The following CA7 variants were observed in gnomAD, a reference collection of about 807,000 sequenced individuals.
CA7 encodes carbonate dehydratase VII.
In CA7, 13 loss-of-function variants were observed where a neutral mutation model predicts 31.4. The ratio of observed to expected loss-of-function variants is 0.41; its 90% confidence interval spans 0.27 to 0.66. The LOEUF (loss-of-function observed/expected upper bound fraction) is 0.66, where lower values mean the gene tolerates loss of function less well. Among genes scored for constraint, CA7 ranks in the 30% least tolerant of loss-of-function variants. The probability of loss-of-function intolerance (pLI) is 0.28; values close to 1 mark genes in which losing one functional copy is unlikely to be tolerated. For synonymous variants in CA7, 128 were observed against 133.2 expected (o/e 0.96, Z 0.27); for missense variants, 215 against 351.0 (o/e 0.61, Z 3.10).
At chr16:66,852,181 T>C (rs1270336991) in intron 5 of CA7, among the ~76,000 whole-genome samples, 1 of 151,890 alleles carries the variant, frequency 6.6e-6, no homozygotes, top group Non-Finnish European at 1.5e-5. Context: ...GGGTGGAGAA[T>C]GCCGGGCATG....
chr16:66,852,787 G>C lies in CA7; in HGVS notation c.592G>C (p.Gly198Arg). ...CAGCCGGCACTACTGGACCTACCCG[G>C]GCTCTCTGACGACTCCCCCACTCAG... ...PASRHYWTYP[G>R]SLTTPPLSES... The change falls in exon 6 of 7, where the codon GGC becomes CGC. Residue 198 changes from glycine (G) to arginine (R), a missense_variant. Coordinates refer to ENST00000338437, the MANE Select transcript of CA7 (RefSeq NM_005182.3). The C allele has an allele frequency of 6.2e-7, 1 of 1,614,004 alleles. No individual in the cohort carries two copies. Among genetic ancestry groups the C allele is most frequent in the Admixed American group, 1.7e-5 (1 of 60,000 alleles).
At position 66,851,512 on chromosome 16, in the gene CA7, C is replaced by T. The variant is rs1419609150; in HGVS notation, c.407C>T (p.Ala136Val). The T allele has an allele frequency of 5.6e-6, 9 of 1,613,968 alleles. No individual in the cohort carries two copies. The highest frequency in any genetic ancestry group is 2.7e-5 in the African/African-American group (2 of 74,924). The change falls in exon 4 of 7, where the codon GCG (alanine) becomes GTG (valine). Residue 136 changes from alanine (A) to valine (V), a missense_variant. Coordinates refer to ENST00000338437, the MANE Select transcript of CA7 (RefSeq NM_005182.3). ...AAGAAGTACAGCACTTTTGGGGAGG[C>T]GGCCTCAGCACCTGATGGCCTGGCT... ...NAKKYSTFGEAASAPDGLAVV... is the reference protein window; with the variant it reads ...NAKKYSTFGEVASAPDGLAVV...
intron 2 of CA7, among the ~76,000 whole-genome samples, chr16:66,848,237 A>G (rs1038975289): frequency 1.3e-5 from 2 of 152,206 alleles, no homozygotes; most frequent in Non-Finnish European, 2.9e-5. Context: ...TTTTGCTGCA[A>G]AAGAAAGGGA....
intron 2 of CA7, among the ~76,000 whole-genome samples, chr16:66,849,871 C>T (rs1338036232): frequency 6.6e-6 from 1 of 152,194 alleles, no homozygotes; most frequent in Non-Finnish European, 1.5e-5. Flanking sequence ...ATGTATCCCA[C>T]ACTTTGGAAG....
At chr16:66,850,488 TG>T in intron 2 of CA7, 52 bp from the exon 3 acceptor site, 1 of 1,019,024 alleles carries the variant, frequency 9.8e-7, no homozygotes, top group Non-Finnish European at 1.6e-6. Context: ...GTCCTGGCAC[TG>T]GGCTGTCGGT....
rs1459646171 is a variant in CA7 at position 66,852,875 on chromosome 16, C to A, written c.672+8C>A. The A allele has an allele frequency of 6.2e-7, 1 of 1,611,242 alleles. No homozygotes were observed. The highest frequency in any genetic ancestry group is 8.5e-7 in the Non-Finnish European group (1 of 1,178,208). On this transcript the variant is annotated splice_region_variant and intron_variant, in intron 6 of 6. Coordinates refer to ENST00000338437, the MANE Select transcript of CA7 (RefSeq NM_005182.3). ...TGCATCTCTGAAAGGCAGGTGAGTC[C>A]TCTCAGAGGACCAGATGGAGGGACA... is the stretch of plus-strand genomic sequence containing the variant.
At chr16:66,846,737 T>C (rs1174596572) in intron 1 of CA7, among the ~76,000 whole-genome samples, 1 of 152,208 alleles carries the variant, frequency 6.6e-6, no homozygotes, top group Admixed American at 6.5e-5. Flanking sequence ...GGGAGACTTA[T>C]TACTCTGAGC....
rs567242329 is a variant in CA7 at position 66,846,774 on chromosome 16, C to T, written c.41-256C>T. Among the ~76,000 whole-genome samples, 6 of 152,250 alleles carry T rather than the reference C, an allele frequency of 3.9e-5. No homozygotes were observed. In the South Asian group the frequency reaches 1.2e-3, roughly 32 times the overall value. ...ACCCCGAGCCTGTAGCTGTTATGTT[C>T]CCTTCCATACAGTACCTCTCTGGGC... On this transcript the variant is annotated intron_variant, in intron 1 of 6. Transcript: ENST00000338437.
At chr16:66,849,245 C>G (rs560000197) in intron 2 of CA7, among the ~76,000 whole-genome samples, 62 of 152,154 alleles carry the variant, frequency 4.1e-4, no homozygotes, top group Non-Finnish European at 7.4e-4. Flanking sequence ...AAAGCCAGCA[C>G]AAGTGGGGCC....
intron 1 of CA7, chr16:66,844,830 C>A: frequency 1.1e-6 from 1 of 924,994 alleles, no homozygotes; most frequent in Non-Finnish European, 1.4e-6. Flanking sequence ...CCCAGACTCT[C>A]ACTCACTCGC....
At chr16:66,850,714 T>G (rs1961027418) in intron 3 of CA7, 55 bp downstream of exon 3, 2 of 1,317,364 alleles carry the variant, frequency 1.5e-6, no homozygotes, top group Admixed American at 3.4e-5. Flanking sequence ...AACGCAGGCC[T>G]GGGTAGTCAG....
In CA7 at chr16:66,853,303, G is replaced by A; in HGVS notation, c.673-73G>A. 3.8e-6 allele frequency: 6 copies of A among 1,590,224 alleles called. No homozygotes were observed. Among genetic ancestry groups the A allele is most frequent in the South Asian group, 2.2e-5 (2 of 89,274 alleles). On this transcript the variant is annotated intron_variant, in intron 6 of 6. Coordinates refer to ENST00000338437, the MANE Select transcript of CA7 (RefSeq NM_005182.3). This position sits in a 1 kb window ranked among gnomAD's most constrained non-coding sequence, Gnocchi z 4.5. ...TAGAGCTGGCTGGGCAGGTATGCCA[G>A]ATGATGCATCTGGGGTCATAGAGGA...
chr16:66,845,001 A>G, intron 1 of CA7: 1 of 988,974 alleles, frequency 1.0e-6, no homozygotes, highest in Non-Finnish European at 1.2e-6. Flanking sequence ...CCCGGAGAGA[A>G]TTTCCCCGCA....
At chr16:66,852,103 G>A (rs1372705923) in intron 5 of CA7, among the ~76,000 whole-genome samples, 1 of 152,154 alleles carries the variant, frequency 6.6e-6, no homozygotes, top group African/African-American at 2.4e-5. Flanking sequence ...TGGCATCTGG[G>A]ATCACAGACA....
chr16:66,851,017 G>A (rs1041226390), intron 3 of CA7, among the ~76,000 whole-genome samples: 9 of 152,124 alleles, frequency 5.9e-5, no homozygotes, highest in South Asian at 2.1e-4. Flanking sequence ...TGCATGTGAC[G>A]AATCCCCTGT....
chr16:66,852,595 AAG>A, intron 5 of CA7, 115 bp from the exon 6 acceptor site: 20 of 245,686 alleles, frequency 8.1e-5, no homozygotes, highest in Non-Finnish European at 1.1e-4. Context: ...AGAAAAAAAA[AAG>A]AAAAGAAAAG....
Position 66,853,258 on chromosome 16 carries a change from A to G in CA7, c.673-118A>G, listed in dbSNP as rs1961105516. The G allele has an allele frequency of 7.8e-7, 1 of 1,277,142 alleles. No individual in the cohort carries two copies. Among genetic ancestry groups the G allele is most frequent in the Admixed American group, 1.9e-5 (1 of 53,088 alleles). The allele number at this position is 1,277,142 out of a possible 1,614,324, so 79.1% of individuals were successfully genotyped here. A position where few individuals can be genotyped will look rare whatever the true frequency, so the allele number is the denominator to read the frequency against. ...TGGGGAAGAGTAGGGACAGACCCTA[A>G]GGGAAGGAGGAGGGAGGGGTAGAGC... is the stretch of plus-strand genomic sequence containing the variant. On this transcript the variant is annotated intron_variant, in intron 6 of 6. Coordinates refer to ENST00000338437, the MANE Select transcript of CA7 (RefSeq NM_005182.3). The surrounding 1 kb of genome is among the most constrained non-coding windows in gnomAD (Gnocchi z 4.5).
At chr16:66,849,720 TGTCCTCTGTCA>T (rs993921486) in intron 2 of CA7, among the ~76,000 whole-genome samples, 67 of 152,258 alleles carry the variant, frequency 4.4e-4, no homozygotes, top group African/African-American at 1.6e-3. Flanking sequence ...GATAGAGAGC[TGTCCTCTGTCA>T]GTCCCAGACC....
At chr16:66,849,694 G>A (rs1013801310) in intron 2 of CA7, among the ~76,000 whole-genome samples, 1 of 152,162 alleles carries the variant, frequency 6.6e-6, no homozygotes, top group Non-Finnish European at 1.5e-5. Flanking sequence ...TCGGGCAGGA[G>A]CGGGGAGGAC....
Sources: gnomAD v4.1 joint callset for allele counts (sites outside exome capture counted in the v4.1 genomes callset) on GRCh38, gnomAD v4.1.1 for gene constraint, Gnocchi (gnomAD v3.1) non-coding constraint, MANE v1.5 for transcripts, NCBI Gene and HGNC (gene_info 2026-07-23, HGNC 2026-07-21) for gene names.